Variants in SNX29 observed in about 807,000 individuals in gnomAD.
SNX29 encodes sorting nexin 29.
Under a neutral mutation model 102.1 loss-of-function variants are expected in SNX29, and 78 were observed. The observed-to-expected ratio is 0.76, with a 90% CI of 0.64 to 0.92. SNX29 has a LOEUF of 0.92. Ranked by LOEUF, SNX29 falls within the 40% of genes least tolerant of loss-of-function variation. SNX29 has a pLI of 0.00. For synonymous variants in SNX29, 580 were observed against 414.5 expected (o/e 1.40, Z -4.85); for missense variants, 1,280 against 1,061.7 (o/e 1.21, Z -2.86).
chr16:12,544,051 A>C (rs7184061), intron 20 of SNX29, among the ~76,000 whole-genome samples: 4,713 of 152,324 alleles, frequency 0.031, 242 homozygotes, highest in African/African-American at 0.11. Flanking sequence ...TTGCAAAGCC[A>C]CAGGAATCAC....
chr16:12,419,978 G>T, intron 18 of SNX29, among the ~76,000 whole-genome samples: 1 of 152,218 alleles, frequency 6.6e-6, no homozygotes. Flanking sequence ...CACAGCTCAG[G>T]CTCGGCTTAG....
intron 11 of SNX29, among the ~76,000 whole-genome samples, chr16:12,116,175 G>C (rs549509442): frequency 1.3e-5 from 2 of 152,134 alleles, no homozygotes; most frequent in Admixed American, 1.3e-4. Flanking sequence ...TGGAATTACC[G>C]CATGTCCCTG....
In SNX29 at chr16:12,472,544, CA is replaced by C. The variant is rs568390260; in HGVS notation, c.2038-5164del. On this transcript the variant is annotated intron_variant, in intron 18 of 20. Transcript: ENST00000566228. The stretch of plus-strand genomic sequence containing the variant: ...AAAAAAAAACCAAAAAAAAAAAAAA[CA>C]AAAAAAAAAAGAAAAAAACAGGGAG... Among the ~76,000 whole-genome samples, 281 of 115,582 alleles carry C rather than the reference CA, an allele frequency of 2.4e-3. 3 individuals carry two copies. The highest frequency in any genetic ancestry group is 7.0e-3 in the African/African-American group (207 of 29,386). 75.8% of individuals were successfully genotyped at this position (115,582 alleles called of 152,430 possible). A position where few individuals can be genotyped will look rare whatever the true frequency, so the allele number is the denominator to read the frequency against.
intron 11 of SNX29, among the ~76,000 whole-genome samples, chr16:12,079,495 G>C (rs1364266153): frequency 1.3e-5 from 2 of 150,044 alleles, no homozygotes; most frequent in Non-Finnish European, 3.0e-5. Flanking sequence ...GGAGGCAGAG[G>C]GGGCACTTGT....
chr16:12,512,494 G>A (rs1276913195), intron 19 of SNX29, among the ~76,000 whole-genome samples: 1 of 147,914 alleles, frequency 6.8e-6, no homozygotes, highest in Non-Finnish European at 1.5e-5. Flanking sequence ...GCTCACTGCA[G>A]CCTTGACCTC....
At chr16:12,301,161 T>A (rs1266685643) in intron 15 of SNX29, among the ~76,000 whole-genome samples, 2 of 152,234 alleles carry the variant, frequency 1.3e-5, no homozygotes, top group Non-Finnish European at 2.9e-5. Flanking sequence ...TACAGTCCCT[T>A]CTAAAATATC....
intron 3 of SNX29, among the ~76,000 whole-genome samples, chr16:12,005,028 A>G (rs376372815): frequency 1.6e-4 from 25 of 152,212 alleles, no homozygotes; most frequent in African/African-American, 5.8e-4. Flanking sequence ...TGTGTATCAC[A>G]TTGTACTGTA....
rs773507388 is a variant in SNX29 at position 12,398,501 on chromosome 16, T to C, written c.1955T>C (p.Ile652Thr). Residue 652 changes from isoleucine (I) to threonine (T), a missense_variant and splice_region_variant, in exon 17 of 21, where the codon ATA (isoleucine) becomes ACA (threonine). Coordinates refer to ENST00000566228, the MANE Select transcript of SNX29 (RefSeq NM_032167.5). ...SEDQSLSDFEISNRALINVWI... is the reference protein window; with the variant it reads ...SEDQSLSDFETSNRALINVWI... ...GACCAGAGTTTGTCGGATTTTGAAA[T>C]GTAAGTCCACAGCCTGTGCTCACAA... 1.5e-5 allele frequency: 24 copies of C among 1,613,864 alleles called. No individual in the cohort carries two copies. In the African/African-American group the frequency reaches 2.7e-4, roughly 18 times the overall value.
At chr16:12,119,603 A>C (rs1419064848) in intron 11 of SNX29, among the ~76,000 whole-genome samples, 1 of 152,246 alleles carries the variant, frequency 6.6e-6, no homozygotes, top group Non-Finnish European at 1.5e-5. Context: ...GATTTTCCAA[A>C]AGAGGACAGA....
At chr16:12,176,172 G>T (rs1161896963) in intron 13 of SNX29, among the ~76,000 whole-genome samples, 1 of 152,182 alleles carries the variant, frequency 6.6e-6, no homozygotes, top group African/African-American at 2.4e-5. Flanking sequence ...TAGACTTCCA[G>T]CCTCCAGAAC....
At chr16:12,104,011 A>C (rs182047774) in intron 11 of SNX29, among the ~76,000 whole-genome samples, 110 of 152,352 alleles carry the variant, frequency 7.2e-4, no homozygotes, top group Non-Finnish European at 1.2e-3. Context: ...ACTTGCAAAA[A>C]TGACCTATAC....
intron 5 of SNX29, among the ~76,000 whole-genome samples, chr16:12,043,777 G>A (rs180681250): frequency 1.2e-4 from 18 of 152,044 alleles, no homozygotes; most frequent in African/African-American, 2.7e-4. Context: ...TTTTTGAGAC[G>A]GAGCCTCACT....
At chr16:12,296,117 T>C (rs1377593040) in intron 15 of SNX29, among the ~76,000 whole-genome samples, 1 of 152,184 alleles carries the variant, frequency 6.6e-6, no homozygotes, top group East Asian at 1.9e-4. Context: ...TAAAAAGCTT[T>C]TAAAGTTAAT....
chr16:12,547,467 G>T lies in SNX29; in HGVS notation c.2319-21039G>T, dbSNP rs564143769. The stretch of plus-strand genomic sequence containing the variant: ...TGGTGCCTCAGGCAGCCTGGGAAGG[G>T]GTATTCTCAAAGTAGAACTACCAGA... On this transcript the variant is annotated intron_variant, in intron 20 of 20. Transcript: ENST00000566228. 2.6e-5 allele frequency among the ~76,000 whole-genome samples: 4 copies of T among 152,212 alleles called. No homozygotes were observed. The East Asian group carries it at 5.8e-4, about 22-fold the overall frequency.
At chr16:12,558,858 G>T (rs1239974731) in intron 20 of SNX29, among the ~76,000 whole-genome samples, 2 of 152,238 alleles carry the variant, frequency 1.3e-5, no homozygotes, top group African/African-American at 4.8e-5. Context: ...GAGGGCCACA[G>T]GCAGCCCATT....
At chr16:12,429,704 C>T (rs2085234995) in intron 18 of SNX29, among the ~76,000 whole-genome samples, 1 of 152,234 alleles carries the variant, frequency 6.6e-6, no homozygotes, top group Admixed American at 6.5e-5. Context: ...TTTTGCTCAA[C>T]ATTTAAGTTT....
chr16:12,551,788 A>C (rs964453319), intron 20 of SNX29, among the ~76,000 whole-genome samples: 1 of 152,240 alleles, frequency 6.6e-6, no homozygotes, highest in East Asian at 1.9e-4. Context: ...CTTCAGAAGC[A>C]CATGGGCATC....
intron 18 of SNX29, among the ~76,000 whole-genome samples, chr16:12,448,023 T>G (rs1052136602): frequency 6.6e-6 from 1 of 152,206 alleles, no homozygotes; most frequent in Non-Finnish European, 1.5e-5. Context: ...ATGATGATGG[T>G]GGCGTTCCCG....
intron 20 of SNX29, among the ~76,000 whole-genome samples, chr16:12,543,705 C>G (rs973512843): frequency 6.6e-6 from 1 of 152,224 alleles, no homozygotes; most frequent in African/African-American, 2.4e-5. Context: ...AAAATATTAA[C>G]CACGGGAATT....
Sources: allele counts gnomAD v4.1 joint callset (sites outside exome capture counted in the v4.1 genomes callset), GRCh38; gene constraint gnomAD v4.1.1; transcripts MANE v1.5; gene names NCBI Gene and HGNC (gene_info 2026-07-23, HGNC 2026-07-21).